TRMT44: variants seen among roughly 807,000 people sequenced by gnomAD.
The protein encoded by TRMT44 is tRNA methyltransferase 44 homolog.
Under a neutral mutation model 77.3 loss-of-function variants are expected in TRMT44, and 78 were observed. The ratio of observed to expected loss-of-function variants is 1.01; its 90% CI spans 0.84 to 1.22. The LOEUF (loss-of-function observed/expected upper bound fraction) is 1.22. TRMT44 is among the 50% of genes most tolerant of loss of function. The probability of loss-of-function intolerance (pLI) is 0.00; values close to 1 mark genes in which losing one functional copy is unlikely to be tolerated. For synonymous variants in TRMT44, 391 were observed against 383.3 expected (o/e 1.02, Z -0.23); for missense variants, 1,090 against 964.4 (o/e 1.13, Z -1.73).
intron 1 of TRMT44, among the ~76,000 whole-genome samples, chr4:8,445,132 A>G (rs1724980898): frequency 6.6e-6 from 1 of 152,224 alleles, no homozygotes; most frequent in Non-Finnish European, 1.5e-5. Context: ...ATAATACTGG[A>G]TGATAAAGTT....
chr4:8,445,469 C>T lies in TRMT44; in HGVS notation c.620-1007C>T, dbSNP rs531838950. Among the ~76,000 whole-genome samples the T allele has an allele frequency of 2.6e-4, 39 of 152,340 alleles. No individual in the cohort carries two copies. The East Asian group carries it at 6.4e-3, about 25-fold the overall frequency. ...CTTCTACCACTTGTCACCTTGTCCA[C>T]GCCACTCACCTCCATTCCCCATGCA... On this transcript the variant is annotated intron_variant, in intron 1 of 10. Transcript: ENST00000389737.
At chr4:8,467,022 G>T (rs1726607336) in intron 8 of TRMT44, among the ~76,000 whole-genome samples, 1 of 152,198 alleles carries the variant, frequency 6.6e-6, no homozygotes, top group African/African-American at 2.4e-5. Context: ...CCAGAAATGA[G>T]GTGCCCTTGC....
At chr4:8,455,449 C>G (rs191183810) in intron 6 of TRMT44, among the ~76,000 whole-genome samples, 1 of 152,248 alleles carries the variant, frequency 6.6e-6, no homozygotes, top group Non-Finnish European at 1.5e-5. Flanking sequence ...GTAGGGCAGA[C>G]TGTGCAGTCC....
chr4:8,505,710 G>A, the TRMT44 span, among the ~76,000 whole-genome samples: 48 of 152,356 alleles, frequency 3.2e-4, no homozygotes, highest in African/African-American at 9.9e-4. Flanking sequence ...TGATATGGTT[G>A]GGCTCTGTGT....
chr4:8,503,370 G>A, the TRMT44 span, among the ~76,000 whole-genome samples: 6 of 152,226 alleles, frequency 3.9e-5, no homozygotes, highest in African/African-American at 7.2e-5. Context: ...CATCTGCCCC[G>A]GGGAAGCAGC....
chr4:8,488,147 G>T (rs1453960207), intron 2 of TRMT44, among the ~76,000 whole-genome samples: 2 of 151,606 alleles, frequency 1.3e-5, no homozygotes, highest in Non-Finnish European at 2.9e-5. Flanking sequence ...TTCTTGGGCT[G>T]GTTGGTCTGA....
At chr4:8,457,954 A>G (rs2109126392) in intron 6 of TRMT44, among the ~76,000 whole-genome samples, 1 of 152,334 alleles carries the variant, frequency 6.6e-6, no homozygotes. Context: ...TCAAGAGCTA[A>G]TAGACTCCAC....
the TRMT44 span, among the ~76,000 whole-genome samples, chr4:8,507,900 ATTTGTTTTGT>A: frequency 0.27 from 41,147 of 151,380 alleles, 6,095 homozygotes; most frequent in Admixed American, 0.39. Flanking sequence ...TTTTGCTTTG[ATTTGTTTTGT>A]TTTGTTTTGT....
Position 8,446,397 on chromosome 4 carries a change from A to G in TRMT44, c.620-79A>G. 1 of 885,396 alleles carries G rather than the reference A, an allele frequency of 1.1e-6. No homozygotes were observed. Among genetic ancestry groups the G allele is most frequent in the East Asian group, 2.6e-5 (1 of 37,926 alleles). 54.8% of individuals were successfully genotyped at this position (885,396 alleles called of 1,614,324 possible). On this transcript the variant is annotated intron_variant, in intron 1 of 10. Coordinates refer to ENST00000389737, the MANE Select transcript of TRMT44 (RefSeq NM_152544.3). The surrounding 1 kb of genome is among the most constrained non-coding windows in gnomAD (Gnocchi z 4.3). ...GGATTGAAAGCATCGTGCTTGACTCATCCCTATTTTTAATACTGCTTCTGA... is the reference window on the plus strand; with the variant it reads ...GGATTGAAAGCATCGTGCTTGACTCGTCCCTATTTTTAATACTGCTTCTGA...
rs1033366137 is a variant in TRMT44, at chr4:8,449,876, G to A, written c.942G>A (p.Lys314=). 6.6e-7 allele frequency: 1 copy of A among 1,511,886 alleles called. No individual in the cohort carries two copies. Among genetic ancestry groups the A allele is most frequent in the Non-Finnish European group, 8.8e-7 (1 of 1,131,090 alleles). 93.7% of individuals were successfully genotyped at this position (1,511,886 alleles called of 1,614,324 possible). A position where few individuals can be genotyped will look rare whatever the true frequency, so the allele number is the denominator to read the frequency against. ...KAYQELKEKY[K]EMVKVWPEVT... is the part of the protein sequence containing the mutation. ...ACCAGGAACTTAAAGAGAAGTATAA[G>A]GAAATGGTTAAGGTAATTCTGGTGG... Residue 314 remains lysine, a synonymous_variant, in exon 3 of 11, where the codon AAG becomes AAA. Coordinates refer to ENST00000389737, the MANE Select transcript of TRMT44 (RefSeq NM_152544.3).
chr4:8,464,023 T>C lies in TRMT44; in HGVS notation c.1242T>C (p.Pro414=), dbSNP rs532222720. 1.2e-6 allele frequency: 2 copies of C among 1,614,136 alleles called. No homozygotes were observed. The highest frequency in any genetic ancestry group is 1.7e-5 in the Admixed American group (1 of 60,012). Residue 414 remains proline (P), a synonymous_variant, in exon 7 of 11, where the codon CCT becomes CCC. Coordinates refer to ENST00000389737, the MANE Select transcript of TRMT44 (RefSeq NM_152544.3). ...CACCCAATGATAAGACCCTTTTCCC[T>C]GATGTTGATTGGTTAATCGGTAACC... ...AITPNDKTLF[P]DVDWLIGNHS... is the part of the protein sequence containing the mutation.
rs925542630 is a variant in TRMT44 at position 8,452,163 on chromosome 4, C to T, written c.1023+135C>T. 8 of 780,396 alleles carry T rather than the reference C, an allele frequency of 1.0e-5. No individual in the cohort carries two copies. The highest frequency in any genetic ancestry group is 2.7e-5 in the East Asian group (1 of 36,424). The allele number at this position is 780,396 out of a possible 1,614,324, so 48.3% of individuals were successfully genotyped here. On this transcript the variant is annotated intron_variant, in intron 4 of 10. Coordinates refer to ENST00000389737, the MANE Select transcript of TRMT44 (RefSeq NM_152544.3). The surrounding 1 kb of genome is among the most constrained non-coding windows in gnomAD (Gnocchi z 5.7). ...ATTCTGCTGGCCAAGGTTGGTTTCT[C>T]GTGTAATGGTTTGACTTCATGTGGT...
intron 9 of TRMT44, among the ~76,000 whole-genome samples, chr4:8,469,967 C>T (rs1405398232): frequency 6.6e-6 from 1 of 152,244 alleles, no homozygotes. Flanking sequence ...GGGCCCTGCC[C>T]TCAAGAGGCT....
Position 8,441,143 on chromosome 4 carries a change from C to A in TRMT44, c.321C>A (p.Cys107Ter), listed in dbSNP as rs751244950. The change falls in exon 1 of 11, where the codon TGC (cysteine) becomes TGA (stop). Residue 107 changes from cysteine (C) to a stop codon, truncating the protein, a stop_gained. Coordinates refer to ENST00000389737, the MANE Select transcript of TRMT44 (RefSeq NM_152544.3). LOFTEE classifies it high-confidence loss of function. The stretch of plus-strand genomic sequence containing the variant: ...AACTTGAGGAGGCCCAGGGCCAGTG[C>A]CAGCAAGAGGAGGCACAGAGGGAAG... ...CCELEEAQGQCQQEEAQREAA... is the reference protein window; with the variant it reads ...CCELEEAQGQ 4.6e-6 allele frequency: 7 copies of A among 1,522,898 alleles called. No individual in the cohort carries two copies. The highest frequency in any genetic ancestry group is 6.2e-6 in the Non-Finnish European group (7 of 1,137,938). 94.3% of individuals were successfully genotyped at this position (1,522,898 alleles called of 1,614,324 possible). A position where few individuals can be genotyped will look rare whatever the true frequency, so the allele number is the denominator to read the frequency against.
intron 10 of TRMT44, among the ~76,000 whole-genome samples, chr4:8,474,019 T>C (rs1727200859): frequency 6.6e-6 from 1 of 152,186 alleles, no homozygotes; most frequent in Non-Finnish European, 1.5e-5. Flanking sequence ...TTGGGTGTGC[T>C]CTTAACTCCG....
At chr4:8,500,498 A>C in the TRMT44 span, among the ~76,000 whole-genome samples, 1 of 152,020 alleles carries the variant, frequency 6.6e-6, no homozygotes, top group Non-Finnish European at 1.5e-5. Context: ...TCCCTCTGGA[A>C]AAAATAAATA....
At chr4:8,481,786 C>A (rs747246597) in intron 2 of TRMT44, among the ~76,000 whole-genome samples, 6 of 152,246 alleles carry the variant, frequency 3.9e-5, no homozygotes, top group Admixed American at 6.5e-5. Context: ...CTTGTCCCAT[C>A]AGAAGGTCTT....
intron 6 of TRMT44, among the ~76,000 whole-genome samples, chr4:8,455,587 G>A (rs975073174): frequency 2.0e-5 from 3 of 152,154 alleles, no homozygotes; most frequent in African/African-American, 7.2e-5. Flanking sequence ...TTTATTTAGG[G>A]AAATCAATAT....
chr4:8,489,384 C>G (rs1022374822), intron 2 of TRMT44, among the ~76,000 whole-genome samples: 1 of 152,256 alleles, frequency 6.6e-6, no homozygotes, highest in Non-Finnish European at 1.5e-5. Flanking sequence ...AACCCACCCC[C>G]ATCTTACCTT....
Sources: allele counts gnomAD v4.1 joint callset (sites outside exome capture counted in the v4.1 genomes callset), GRCh38; gene constraint gnomAD v4.1.1; non-coding constraint Gnocchi (gnomAD v3.1); transcripts MANE v1.5; gene names NCBI Gene and HGNC (gene_info 2026-07-23, HGNC 2026-07-21).